The following CPEB3 variants were observed in gnomAD, a reference collection of about 807,000 sequenced individuals.
CPEB3 encodes cytoplasmic polyadenylation element binding protein 3.
CPEB3 carries 20 observed loss-of-function variants against 67.2 expected under a neutral mutation model. That is an observed-to-expected ratio of 0.30 (90% CI 0.21 to 0.43). The LOEUF is 0.43. Among genes scored for constraint, CPEB3 ranks in the 20% least tolerant of loss-of-function variants. CPEB3 has a pLI of 1.00. For synonymous variants in CPEB3, 376 were observed against 393.1 expected, an observed-to-expected ratio of 0.96 and a Z score of 0.51; for missense variants, 746 against 968.6, an observed-to-expected ratio of 0.77 and a Z score of 3.05.
At chr10:92,074,154 C>T (rs1012805038) in intron 9 of CPEB3, among the ~76,000 whole-genome samples, 1 of 151,466 alleles carries the variant, frequency 6.6e-6, no homozygotes, top group Non-Finnish European at 1.5e-5. Flanking sequence ...CTACATTGCC[C>T]AGGCTGGTCT....
intron 6 of CPEB3, among the ~76,000 whole-genome samples, chr10:92,134,338 T>C (rs1845985670): frequency 6.6e-6 from 1 of 151,930 alleles, no homozygotes; most frequent in South Asian, 2.1e-4. Flanking sequence ...ACAAAATCAA[T>C]ATGCAAAAAT....
chr10:92,195,994 T>C (rs999529957), intron 2 of CPEB3, among the ~76,000 whole-genome samples: 6 of 152,354 alleles, frequency 3.9e-5, no homozygotes, highest in African/African-American at 1.2e-4. Context: ...GATGACTACC[T>C]GTCAGGAAAA....
intron 7 of CPEB3, among the ~76,000 whole-genome samples, chr10:92,100,912 C>G (rs17107394): frequency 0.031 from 4,773 of 152,204 alleles, 88 homozygotes; most frequent in Non-Finnish European, 0.047. Flanking sequence ...TTAACACAAA[C>G]CTCAAGACTT....
chr10:92,224,464 A>G (rs374300650), intron 2 of CPEB3, among the ~76,000 whole-genome samples: 9 of 152,116 alleles, frequency 5.9e-5, no homozygotes, highest in East Asian at 3.8e-4. Context: ...CTACTTCTCC[A>G]GCCTCATCTC....
chr10:92,218,037 GAAGGC>G (rs1850515752), intron 2 of CPEB3, among the ~76,000 whole-genome samples: 1 of 152,214 alleles, frequency 6.6e-6, no homozygotes, highest in African/African-American at 2.4e-5. Context: ...CTGATCCCAA[GAAGGC>G]AAGGCTTCAC....
At chr10:92,161,824 G>A (rs1159700065) in intron 4 of CPEB3, among the ~76,000 whole-genome samples, 3 of 151,882 alleles carry the variant, frequency 2.0e-5, no homozygotes, top group South Asian at 2.1e-4. Flanking sequence ...CCACCACGCC[G>A]GCTAATTTTT....
chr10:92,120,257 A>AAAACAAAC (rs35341612), intron 6 of CPEB3, among the ~76,000 whole-genome samples: 12 of 144,840 alleles, frequency 8.3e-5, no homozygotes, highest in South Asian at 6.7e-4. Context: ...TAAAAATACA[A>AAAACAAAC]AAACAAACAA....
At chr10:92,212,487 G>C (rs973348803) in intron 2 of CPEB3, among the ~76,000 whole-genome samples, 1 of 152,056 alleles carries the variant, frequency 6.6e-6, no homozygotes, top group South Asian at 2.1e-4. Context: ...GACCTCAGGT[G>C]ATCCACTCAC....
chr10:92,265,499 G>A (rs1258911221), intron 1 of CPEB3, among the ~76,000 whole-genome samples: 1 of 152,088 alleles, frequency 6.6e-6, no homozygotes, highest in African/African-American at 2.4e-5. Flanking sequence ...GCTCATGCCT[G>A]TAATCCCAGC....
Position 92,240,311 on chromosome 10 carries a change from G to A in CPEB3, c.40C>T (p.Pro14Ser). Residue 14 changes from proline (P) to serine (S), a missense_variant, in exon 2 of 10, where the codon CCC (proline) becomes TCC (serine). Pro to Ser is a moderately conservative substitution (Grantham distance 74, BLOSUM62 -1). This residue lies in a region of CPEB3 where 643 missense variants were observed against 717.5 expected (regional missense o/e 0.90). Transcript: ENST00000265997. ...DLLMDKSKTQPQPQQQQRQQQ... is the reference protein window; with the variant it reads ...DLLMDKSKTQSQPQQQQRQQQ... ...TGCCGCTGCTGCTGCTGGGGCTGGG[G>A]CTGGGTTTTGCTTTTGTCCATCAGT... is the stretch of plus-strand genomic sequence containing the variant. 1.3e-6 allele frequency: 2 copies of A among 1,500,916 alleles called. No individual in the cohort carries two copies. Among genetic ancestry groups the A allele is most frequent in the Non-Finnish European group, 1.8e-6 (2 of 1,125,416 alleles). 93.0% of individuals were successfully genotyped at this position (1,500,916 alleles called of 1,614,324 possible).
chr10:92,290,280 G>A (rs1160259741), intron 1 of CPEB3, among the ~76,000 whole-genome samples: 2 of 151,980 alleles, frequency 1.3e-5, no homozygotes, highest in Non-Finnish European at 2.9e-5. Flanking sequence ...TCCCGCCAAA[G>A]CTATCCCTCG....
chr10:92,094,968 A>G (rs1428781468), intron 7 of CPEB3, among the ~76,000 whole-genome samples: 1 of 152,142 alleles, frequency 6.6e-6, no homozygotes, highest in Non-Finnish European at 1.5e-5. Flanking sequence ...ATCATAGATC[A>G]CTTTATTTTA....
At chr10:92,181,405 T>A (rs982125417) in intron 3 of CPEB3, among the ~76,000 whole-genome samples, 17 of 142,234 alleles carry the variant, frequency 1.2e-4, no homozygotes, top group African/African-American at 4.2e-4. Context: ...TTCAAACAAG[T>A]ATATAAATTT....
intron 2 of CPEB3, among the ~76,000 whole-genome samples, chr10:92,202,573 T>C (rs930871505): frequency 6.6e-6 from 1 of 151,358 alleles, no homozygotes; most frequent in Non-Finnish European, 1.5e-5. Context: ...TGATACATGC[T>C]ACAACATGGA....
At chr10:92,116,104 C>T (rs1845010766) in intron 6 of CPEB3, among the ~76,000 whole-genome samples, 1 of 150,626 alleles carries the variant, frequency 6.6e-6, no homozygotes, top group Admixed American at 6.6e-5. Flanking sequence ...TTTGCCTCTG[C>T]CCCCCACTGT....
chr10:92,084,164 CA>C (rs58877359), intron 8 of CPEB3, among the ~76,000 whole-genome samples: 331 of 94,054 alleles, frequency 3.5e-3, no homozygotes, highest in East Asian at 0.02. Context: ...GACTCTGTCT[CA>C]AAAAAAAAAA....
intron 4 of CPEB3, among the ~76,000 whole-genome samples, chr10:92,149,349 T>A (rs1401558375): frequency 1.3e-5 from 2 of 152,238 alleles, no homozygotes; most frequent in Non-Finnish European, 2.9e-5. Flanking sequence ...CTTCTATTAC[T>A]TCCAACATTT....
chr10:92,223,212 T>G, intron 2 of CPEB3, among the ~76,000 whole-genome samples: 1 of 152,224 alleles, frequency 6.6e-6, no homozygotes, highest in East Asian at 1.9e-4. Context: ...TAGTTGTTCC[T>G]TCTCTAAGAT....
intron 1 of CPEB3, among the ~76,000 whole-genome samples, chr10:92,290,416 CAG>C (rs755980814): frequency 3.2e-4 from 49 of 152,070 alleles, no homozygotes; most frequent in Non-Finnish European, 4.9e-4. Context: ...TGACCAGCAG[CAG>C]AGAGAGAAAC....
Sources: gnomAD v4.1 joint callset for allele counts (sites outside exome capture counted in the v4.1 genomes callset) on GRCh38, gnomAD v4.1.1 for gene constraint, gnomAD v4.1.1 regional missense constraint, MANE v1.5 for transcripts, NCBI Gene and HGNC (gene_info 2026-07-23, HGNC 2026-07-21) for gene names.